OPRD1: variants seen among roughly 807,000 people sequenced by gnomAD.
OPRD1 encodes opioid receptor delta 1.
A neutral mutation model predicts 17.5 loss-of-function variants in OPRD1; 19 were observed. That is an observed-to-expected ratio of 1.09 (90% CI 0.76 to 1.60). OPRD1 has a LOEUF of 1.60. Ranked by LOEUF, OPRD1 falls within the 40% of genes most tolerant of loss-of-function variation. The probability of loss-of-function intolerance (pLI) is 0.00; values close to 1 mark genes in which losing one functional copy is unlikely to be tolerated. For missense variants in OPRD1, 483 were observed against 547.2 expected, an observed-to-expected ratio of 0.88 and a Z score of 1.17; for synonymous variants, 256 against 240.9, an observed-to-expected ratio of 1.06 and a Z score of -0.58.
In OPRD1 at chr1:28,859,032, G is replaced by A. The variant is rs1236701696; in HGVS notation, c.306G>A (p.Leu102=). Residue 102 remains leucine (L), a synonymous_variant, in exon 2 of 3, where the codon CTG becomes CTA. Coordinates refer to ENST00000234961, the MANE Select transcript of OPRD1 (RefSeq NM_000911.4). Reference sequence around the variant, plus strand: ...CCGATGCGCTGGCCACCAGCACGCTGCCTTTCCAGAGTGCCAAGTACCTGA... The same window carrying A: ...CCGATGCGCTGGCCACCAGCACGCTACCTTTCCAGAGTGCCAAGTACCTGA... ...ALADALATST[L]PFQSAKYLME... is the part of the protein sequence containing the mutation. 6.2e-7 allele frequency: 1 copy of A among 1,614,162 alleles called. No homozygotes were observed.
At chr1:28,818,107 C>A (rs1189140706) in intron 1 of OPRD1, among the ~76,000 whole-genome samples, 1 of 152,204 alleles carries the variant, frequency 6.6e-6, no homozygotes. Context: ...TAGCATAGCA[C>A]CTGGCATGCC....
intron 1 of OPRD1, among the ~76,000 whole-genome samples, chr1:28,835,487 C>A (rs2236855): frequency 0.28 from 42,391 of 152,168 alleles, 6,164 homozygotes; most frequent in Middle Eastern, 0.42. Flanking sequence ...ACTGAGACAG[C>A]TAATTAATTT....
rs1303635708 is a variant in OPRD1, at chr1:28,812,267, G to C, written c.-117G>C. 6.9e-6 allele frequency: 4 copies of C among 580,544 alleles called. No individual in the cohort carries two copies. The highest frequency in any genetic ancestry group is 6.2e-4 in the Middle Eastern group (1 of 1,612). The allele number at this position is 580,544 out of a possible 1,614,324, so 36.0% of individuals were successfully genotyped here. A position where few individuals can be genotyped will look rare whatever the true frequency, so the allele number is the denominator to read the frequency against. ...AGGCGCAGAGACAGCGGGGCGGCCG[G>C]GGCGCGGCAGCCGGCGGCGTCGGGG... On this transcript the variant is annotated 5_prime_UTR_variant, in exon 1 of 3. Transcript: ENST00000234961.
intron 1 of OPRD1, among the ~76,000 whole-genome samples, chr1:28,818,401 C>G (rs2088687563): frequency 6.6e-6 from 1 of 152,162 alleles, no homozygotes; most frequent in Non-Finnish European, 1.5e-5. Context: ...CAGACAAGTG[C>G]AGCTCCCTGG....
Position 28,864,308 on chromosome 1 carries a change from G to A in OPRD1, c.*1025G>A, listed in dbSNP as rs753650558. On this transcript the variant is annotated 3_prime_UTR_variant, in exon 3 of 3. Transcript: ENST00000234961. ...AATGAGGGAAGAAGAGATAGGAAGA[G>A]AGAGAAACAGTATACCTTTTATCTC... 1 of 152,252 alleles carries A rather than the reference G, an allele frequency of 6.6e-6. No individual in the cohort carries two copies. Among genetic ancestry groups the A allele is most frequent in the Non-Finnish European group, 1.5e-5 (1 of 68,118 alleles). 9.4% of individuals were successfully genotyped at this position (152,252 alleles called of 1,614,324 possible).
At position 28,858,957 on chromosome 1, in the gene OPRD1, C is replaced by T. The variant is rs780984314; in HGVS notation, c.231C>T (p.Tyr77=). The change falls in exon 2 of 3, where the codon TAC becomes TAT. Residue 77 remains tyrosine (Y), a synonymous_variant. Transcript: ENST00000234961. ...TACACATGCATTTCTTTCTAAGGTA[C>T]ACTAAGATGAAGACGGCCACCAACA... The part of the protein sequence containing the change: ...NVLVMFGIVR[Y]TKMKTATNIY... The T allele has an allele frequency of 5.0e-6, 8 of 1,608,228 alleles. 1 individual carries two copies. In the South Asian group the frequency reaches 7.7e-5, roughly 15 times the overall value.
intron 1 of OPRD1, among the ~76,000 whole-genome samples, chr1:28,857,088 G>C (rs1044681697): frequency 3.9e-5 from 6 of 151,994 alleles, no homozygotes; most frequent in African/African-American, 1.4e-4. Context: ...CTCCCCAAAG[G>C]CTAGGTCAGT....
chr1:28,854,533 T>G (rs781338262), intron 1 of OPRD1, among the ~76,000 whole-genome samples: 3 of 152,052 alleles, frequency 2.0e-5, no homozygotes, highest in Non-Finnish European at 4.4e-5. Context: ...ATCTGCCTTT[T>G]AGAGTGAGCC....
intron 1 of OPRD1, among the ~76,000 whole-genome samples, chr1:28,832,014 C>T (rs1367399769): frequency 6.6e-6 from 1 of 152,156 alleles, no homozygotes; most frequent in African/African-American, 2.4e-5. Flanking sequence ...CCCAGGGCCA[C>T]AGTTAGGAAG....
chr1:28,869,229 C>T lies in OPRD1; in HGVS notation c.*5946C>T, dbSNP rs116201958. The T allele has an allele frequency of 9.2e-3, 1,407 of 152,634 alleles. 16 individuals carry two copies. The highest frequency in any genetic ancestry group is 0.02 in the Middle Eastern group (6 of 298). 9.5% of individuals were successfully genotyped at this position (152,634 alleles called of 1,614,324 possible). A position where few individuals can be genotyped will look rare whatever the true frequency, so the allele number is the denominator to read the frequency against. ...TGACGGGAGCAAATCAGGACCTGGCCGCCCCACGCTGAGCTTGCAGATATT... is the reference window on the plus strand; with the variant it reads ...TGACGGGAGCAAATCAGGACCTGGCTGCCCCACGCTGAGCTTGCAGATATT... On this transcript the variant is annotated 3_prime_UTR_variant, in exon 3 of 3. Coordinates refer to ENST00000234961, the MANE Select transcript of OPRD1 (RefSeq NM_000911.4).
chr1:28,847,003 C>A (rs797408), intron 1 of OPRD1, among the ~76,000 whole-genome samples: 1 of 138,398 alleles, frequency 7.2e-6, no homozygotes, highest in African/African-American at 2.6e-5. Context: ...CTTCCTTTCC[C>A]TTCCTTTCCT....
intron 1 of OPRD1, 99 bp from the exon 2 acceptor site, chr1:28,858,855 C>G: frequency 2.5e-6 from 3 of 1,218,290 alleles, no homozygotes; most frequent in African/African-American, 3.0e-5. Context: ...CTCCCCTGAC[C>G]TTTTGCATGT....
intron 1 of OPRD1, among the ~76,000 whole-genome samples, chr1:28,858,318 G>T (rs1384429008): frequency 2.0e-5 from 3 of 149,266 alleles, no homozygotes; most frequent in Non-Finnish European, 3.0e-5. Flanking sequence ...GTTTCACCGT[G>T]TTAGCCAGGA....
intron 1 of OPRD1, among the ~76,000 whole-genome samples, chr1:28,826,645 C>T (rs1008445192): frequency 6.6e-6 from 1 of 152,184 alleles, no homozygotes; most frequent in East Asian, 1.9e-4. Flanking sequence ...TAATGATCAT[C>T]TGAGCCTTCA....
At chr1:28,846,841 C>T (rs1263020724) in intron 1 of OPRD1, among the ~76,000 whole-genome samples, 1 of 70,530 alleles carries the variant, frequency 1.4e-5, no homozygotes, top group Admixed American at 1.3e-4. Context: ...TTCTTTCTTT[C>T]TTTCTTTTCT....
chr1:28,832,057 G>A (rs1231367200), intron 1 of OPRD1, among the ~76,000 whole-genome samples: 1 of 152,110 alleles, frequency 6.6e-6, no homozygotes, highest in Non-Finnish European at 1.5e-5. Context: ...GAGGCCCCTT[G>A]ACTCTCAGAG....
chr1:28,827,932 T>A (rs917251287), intron 1 of OPRD1, among the ~76,000 whole-genome samples: 5 of 151,772 alleles, frequency 3.3e-5, no homozygotes, highest in African/African-American at 7.3e-5. Context: ...GAGCCGGAGT[T>A]TCTGTGTTGC....
At chr1:28,859,904 G>T (rs1408058569) in intron 2 of OPRD1, among the ~76,000 whole-genome samples, 3 of 152,222 alleles carry the variant, frequency 2.0e-5, no homozygotes. Flanking sequence ...AAGCTCAGGG[G>T]CTTAACACTG....
chr1:28,825,164 C>T (rs866746485), intron 1 of OPRD1, among the ~76,000 whole-genome samples: 18 of 152,202 alleles, frequency 1.2e-4, no homozygotes, highest in South Asian at 4.1e-4. Flanking sequence ...TTGCCTTGTT[C>T]TCTGCCACCT....
Sources: gnomAD v4.1 joint callset for allele counts (sites outside exome capture counted in the v4.1 genomes callset) on GRCh38, gnomAD v4.1.1 for gene constraint, MANE v1.5 for transcripts, NCBI Gene and HGNC (gene_info 2026-07-23, HGNC 2026-07-21) for gene names.